SLC24A2: variants seen among roughly 807,000 people sequenced by gnomAD.
SLC24A2 encodes sodium/potassium/calcium exchanger 2.
In SLC24A2, 36 loss-of-function variants were observed where a neutral mutation model predicts 62.0. That is an observed-to-expected ratio of 0.58 (90% CI 0.44 to 0.77). The LOEUF is 0.77. Ranked by LOEUF, SLC24A2 falls within the 30% of genes least tolerant of loss-of-function variation. SLC24A2 has a pLI of 0.00. For missense variants in SLC24A2, 846 were observed against 817.9 expected (o/e 1.03, Z -0.42); for synonymous variants, 358 against 294.0 (o/e 1.22, Z -2.23).
chr9:19,991,691 T>C, the SLC24A2 span, among the ~76,000 whole-genome samples: 1 of 152,174 alleles, frequency 6.6e-6, no homozygotes, highest in Non-Finnish European at 1.5e-5. Flanking sequence ...TAGTCTGTGG[T>C]AATAATTTTC....
At chr9:19,840,356 A>T in the SLC24A2 span, among the ~76,000 whole-genome samples, 1 of 151,846 alleles carries the variant, frequency 6.6e-6, no homozygotes, top group Non-Finnish European at 1.5e-5. Context: ...GAGAAATAAC[A>T]GGATTAGAAA....
At chr9:20,297,375 G>A in the SLC24A2 span, among the ~76,000 whole-genome samples, 1 of 152,322 alleles carries the variant, frequency 6.6e-6, no homozygotes, top group Admixed American at 6.5e-5. Flanking sequence ...AGATTCCAGG[G>A]GTCAGGGTGA....
intron 8 of SLC24A2, among the ~76,000 whole-genome samples, chr9:19,545,752 C>T (rs1336162413): frequency 6.6e-6 from 1 of 152,046 alleles, no homozygotes; most frequent in Non-Finnish European, 1.5e-5. Flanking sequence ...CATTCTCCTG[C>T]CTCAGCCTCC....
the SLC24A2 span, among the ~76,000 whole-genome samples, chr9:19,827,035 G>C: frequency 2.6e-5 from 4 of 152,082 alleles, no homozygotes; most frequent in Non-Finnish European, 5.9e-5. Flanking sequence ...AGGTAGGACA[G>C]ACTTTCCTAC....
At chr9:20,131,039 A>G in the SLC24A2 span, among the ~76,000 whole-genome samples, 2 of 151,432 alleles carry the variant, frequency 1.3e-5, no homozygotes, top group African/African-American at 4.9e-5. Flanking sequence ...ATAGCCTGAG[A>G]TTTCTTCTAT....
the SLC24A2 span, among the ~76,000 whole-genome samples, chr9:19,921,948 T>C: frequency 3.9e-5 from 6 of 152,298 alleles, no homozygotes; most frequent in African/African-American, 1.4e-4. Context: ...GTAAGACAAA[T>C]TAAAAGCAGA....
At chr9:20,100,198 T>C in the SLC24A2 span, among the ~76,000 whole-genome samples, 1 of 151,616 alleles carries the variant, frequency 6.6e-6, no homozygotes, top group African/African-American at 2.4e-5. Context: ...GTGTGTGTTT[T>C]TGTTTGTTTT....
the SLC24A2 span, among the ~76,000 whole-genome samples, chr9:20,271,436 C>A: frequency 6.6e-6 from 1 of 152,206 alleles, no homozygotes; most frequent in East Asian, 1.9e-4. Flanking sequence ...CAGATATATG[C>A]TGCTGCTGCT....
the SLC24A2 span, among the ~76,000 whole-genome samples, chr9:20,302,069 C>A: frequency 6.6e-6 from 1 of 152,196 alleles, no homozygotes; most frequent in Non-Finnish European, 1.5e-5. Flanking sequence ...CTTGACAGCT[C>A]ATTTACTTTT....
chr9:20,090,450 G>A, the SLC24A2 span, among the ~76,000 whole-genome samples: 2 of 152,172 alleles, frequency 1.3e-5, no homozygotes, highest in African/African-American at 4.8e-5. Flanking sequence ...AGAGCATTGA[G>A]AGGGAGCACG....
chr9:19,805,063 A>C, the SLC24A2 span, among the ~76,000 whole-genome samples: 1 of 152,186 alleles, frequency 6.6e-6, no homozygotes, highest in Admixed American at 6.6e-5. Context: ...ACAAACCAGC[A>C]TAGTGATTGA....
At chr9:20,250,925 T>C in the SLC24A2 span, among the ~76,000 whole-genome samples, 1 of 152,120 alleles carries the variant, frequency 6.6e-6, no homozygotes, top group African/African-American at 2.4e-5. Flanking sequence ...ACAGCCTGAT[T>C]CCTCGAAGCG....
the SLC24A2 span, among the ~76,000 whole-genome samples, chr9:20,099,567 A>G: frequency 5.2e-3 from 791 of 152,332 alleles, 10 homozygotes; most frequent in African/African-American, 0.018. Flanking sequence ...GGAGGATAAA[A>G]GGAAGACAGA....
the SLC24A2 span, among the ~76,000 whole-genome samples, chr9:20,169,634 G>T: frequency 6.6e-6 from 1 of 151,868 alleles, no homozygotes; most frequent in African/African-American, 2.4e-5. Context: ...AAAACAGGGA[G>T]AGTACTACAT....
At chr9:19,584,484 G>C (rs1836305764) in intron 5 of SLC24A2, among the ~76,000 whole-genome samples, 1 of 152,102 alleles carries the variant, frequency 6.6e-6, no homozygotes, top group Non-Finnish European at 1.5e-5. Context: ...GAGGCCCAGA[G>C]AATAAGAGTG....
the SLC24A2 span, among the ~76,000 whole-genome samples, chr9:19,837,068 G>T: frequency 1.3e-5 from 2 of 152,078 alleles, no homozygotes; most frequent in African/African-American, 4.8e-5. Context: ...GGTATTGATG[G>T]GACGTATCTC....
the SLC24A2 span, among the ~76,000 whole-genome samples, chr9:20,060,282 G>A: frequency 6.2e-4 from 95 of 152,042 alleles, 1 homozygote; most frequent in East Asian, 0.016. Flanking sequence ...AGAAGAGAAC[G>A]GAACATTTTC....
chr9:19,636,672 T>C (rs1352154943), intron 2 of SLC24A2, among the ~76,000 whole-genome samples: 2 of 152,054 alleles, frequency 1.3e-5, no homozygotes, highest in East Asian at 1.9e-4. Flanking sequence ...TGACTTCAAG[T>C]GATCCACCTG....
At chr9:19,545,113 C>T (rs541532665) in intron 8 of SLC24A2, among the ~76,000 whole-genome samples, 1 of 152,036 alleles carries the variant, frequency 6.6e-6, no homozygotes, top group Non-Finnish European at 1.5e-5. Context: ...TTCTTGGAGG[C>T]TTTGTTTGAT....
Sources: gnomAD v4.1 joint callset for allele counts (sites outside exome capture counted in the v4.1 genomes callset) on GRCh38, gnomAD v4.1.1 for gene constraint, MANE v1.5 for transcripts, NCBI Gene and HGNC (gene_info 2026-07-23, HGNC 2026-07-21) for gene names.